The following SLC38A9 variants were observed in gnomAD, a reference collection of about 807,000 sequenced individuals.
SLC38A9 encodes the protein neutral amino acid transporter 9.
In SLC38A9, 48 loss-of-function variants were observed where a neutral mutation model predicts 62.3. The ratio of observed to expected loss-of-function variants is 0.77; its 90% CI spans 0.61 to 0.98. SLC38A9 has a LOEUF of 0.98. Ranked by LOEUF, SLC38A9 falls within the 50% of genes least tolerant of loss-of-function variation. The pLI, the probability that SLC38A9 is intolerant of heterozygous loss-of-function variation, is 0.00. For synonymous variants in SLC38A9, 204 were observed against 227.7 expected (o/e 0.90, Z 0.94); for missense variants, 541 against 679.8 (o/e 0.80, Z 2.27).
intron 4 of SLC38A9, among the ~76,000 whole-genome samples, chr5:55,671,030 C>T (rs1751226546): frequency 6.6e-6 from 1 of 152,180 alleles, no homozygotes; most frequent in African/African-American, 2.4e-5. Flanking sequence ...TGCCCAATCA[C>T]TGGTCCTTAT....
chr5:55,656,030 A>G (rs1407125217), intron 9 of SLC38A9, among the ~76,000 whole-genome samples: 1 of 152,150 alleles, frequency 6.6e-6, no homozygotes, highest in Non-Finnish European at 1.5e-5. Context: ...ATAGATCTCT[A>G]AAACTAAGTT....
intron 14 of SLC38A9, among the ~76,000 whole-genome samples, chr5:55,632,573 G>T (rs28521215): frequency 0.049 from 7,445 of 152,260 alleles, 313 homozygotes; most frequent in African/African-American, 0.11. Context: ...CTGACCTTCT[G>T]AATCTCAGTC....
At chr5:55,631,543 C>T (rs748933160) in intron 14 of SLC38A9, among the ~76,000 whole-genome samples, 12 of 152,116 alleles carry the variant, frequency 7.9e-5, no homozygotes, top group Non-Finnish European at 1.6e-4. Flanking sequence ...AGTAGAAACA[C>T]AATCAGAGGC....
chr5:55,669,839 T>TA lies in SLC38A9; in HGVS notation c.286dup (p.Tyr96LeufsTer4). The TA allele has an allele frequency of 6.2e-7, 1 of 1,612,914 alleles. No homozygotes were observed. Among genetic ancestry groups the TA allele is most frequent in the South Asian group, 1.1e-5 (1 of 90,880 alleles). On this transcript the variant is annotated frameshift_variant, in exon 5 of 16. Coordinates refer to ENST00000396865, the MANE Select transcript of SLC38A9 (RefSeq NM_173514.4). LOFTEE classifies it high-confidence loss of function. The stretch of plus-strand genomic sequence containing the variant: ...AGCAGAGCCCAATGGACTATACACA[T>TA]AGCACTCTTCTGGAGCTGGAACTAC...
intron 4 of SLC38A9, among the ~76,000 whole-genome samples, chr5:55,670,470 T>C (rs1005078028): frequency 3.3e-5 from 5 of 152,192 alleles, no homozygotes; most frequent in Admixed American, 6.5e-5. Context: ...TTTTCAAATA[T>C]AGAAAATCTA....
In SLC38A9 at chr5:55,669,831, TATAC is replaced by T; in HGVS notation, c.291_294del (p.Tyr98ValfsTer22). 1 of 1,613,112 alleles carries T rather than the reference TATAC, an allele frequency of 6.2e-7. No individual in the cohort carries two copies. The highest frequency in any genetic ancestry group is 8.5e-7 in the Non-Finnish European group (1 of 1,179,422). ...AGTTTATAAGCAGAGCCCAATGGACTATACACATAGCACTCTTCTGGAGCTGGAA... is the reference window on the plus strand; with the variant it reads ...AGTTTATAAGCAGAGCCCAATGGACTACATAGCACTCTTCTGGAGCTGGAA... On this transcript the variant is annotated frameshift_variant, in exon 5 of 16. Coordinates refer to ENST00000396865, the MANE Select transcript of SLC38A9 (RefSeq NM_173514.4). LOFTEE classifies it high-confidence loss of function.
At chr5:55,678,680 A>G (rs1752584879) in intron 3 of SLC38A9, among the ~76,000 whole-genome samples, 1 of 105,984 alleles carries the variant, frequency 9.4e-6, no homozygotes, top group Non-Finnish European at 1.8e-5. Context: ...TTTTTGAGAC[A>G]GGGTCTTGCT....
intron 3 of SLC38A9, chr5:55,672,969 TA>T (rs1410850425): frequency 2.9e-6 from 1 of 340,368 alleles, no homozygotes; most frequent in Admixed American, 4.4e-5. Flanking sequence ...AGAAAGAACT[TA>T]AAACAGTTAT....
chr5:55,700,128 G>A (rs1756445725), intron 2 of SLC38A9, among the ~76,000 whole-genome samples: 1 of 152,036 alleles, frequency 6.6e-6, no homozygotes, highest in Non-Finnish European at 1.5e-5. Context: ...ATCACTTGAG[G>A]TCAGGAATTC....
chr5:55,679,601 G>GT (rs35661048), intron 3 of SLC38A9, among the ~76,000 whole-genome samples: 90,083 of 149,590 alleles, frequency 0.6, 27,371 homozygotes, highest in South Asian at 0.7. Context: ...TTAGTTTTTT[G>GT]TTTTTTTTTT....
At chr5:55,697,102 C>T (rs1006692831) in intron 3 of SLC38A9, 4 of 149,014 alleles carry the variant, frequency 2.7e-5, no homozygotes, top group African/African-American at 1.0e-4. Flanking sequence ...AGAGGGGCTC[C>T]TCACATCCCA....
At chr5:55,636,675 G>C (rs1326094706) in intron 12 of SLC38A9, among the ~76,000 whole-genome samples, 1 of 152,218 alleles carries the variant, frequency 6.6e-6, no homozygotes, top group Non-Finnish European at 1.5e-5. Flanking sequence ...TAACGTAGTA[G>C]AGTTTTATAA....
At chr5:55,695,194 A>G (rs1484282958) in intron 3 of SLC38A9, among the ~76,000 whole-genome samples, 2 of 151,868 alleles carry the variant, frequency 1.3e-5, no homozygotes, top group African/African-American at 4.8e-5. Context: ...ATTTTATGAA[A>G]TCCTCTAAAT....
At chr5:55,691,156 T>C (rs777719815) in intron 3 of SLC38A9, 85 of 755,990 alleles carry the variant, frequency 1.1e-4, no homozygotes, top group Non-Finnish European at 1.5e-4. Context: ...GTTAGAAAAA[T>C]CTTGAAACTT....
chr5:55,688,875 C>T (rs2408203), intron 3 of SLC38A9, among the ~76,000 whole-genome samples: 91,188 of 151,982 alleles, frequency 0.6, 27,935 homozygotes, highest in South Asian at 0.7. Context: ...CATAGCTACA[C>T]TCAAAGACAT....
rs1744260346 is a variant in SLC38A9, at chr5:55,635,635, T to C, written c.1190A>G (p.Tyr397Cys). ...GAGATAAGTTAATGTCACCAGCATATAAGCAATGCACAAGTCCCTCACCTG... is the reference window on the plus strand; with the variant it reads ...GAGATAAGTTAATGTCACCAGCATACAAGCAATGCACAAGTCCCTCACCTG... Reference protein sequence around the residue: ...ENNVRDLCIAYMLVTLTYLYI... With the variant: ...ENNVRDLCIACMLVTLTYLYI... The change falls in exon 13 of 16, where the codon TAT (tyrosine) becomes TGT (cysteine). Residue 397 changes from tyrosine to cysteine, a missense_variant. Coordinates refer to ENST00000396865, the MANE Select transcript of SLC38A9 (RefSeq NM_173514.4). 1 of 1,613,628 alleles carries C rather than the reference T, an allele frequency of 6.2e-7. No homozygotes were observed. The highest frequency in any genetic ancestry group is 8.5e-7 in the Non-Finnish European group (1 of 1,179,670).
At chr5:55,669,445 A>G in intron 6 of SLC38A9, 112 bp downstream of exon 6, 1 of 1,284,634 alleles carries the variant, frequency 7.8e-7, no homozygotes. Flanking sequence ...AAATATAACC[A>G]TCTATTTTCT....
chr5:55,652,828 A>C, intron 9 of SLC38A9, 105 bp from the exon 10 acceptor site: 1 of 842,120 alleles, frequency 1.2e-6, no homozygotes, highest in South Asian at 2.6e-5. Context: ...TGCTCTACCA[A>C]CCTCAACTCT....
At chr5:55,663,295 A>AC (rs1749923241) in intron 8 of SLC38A9, among the ~76,000 whole-genome samples, 1 of 58,370 alleles carries the variant, frequency 1.7e-5, no homozygotes, top group Non-Finnish European at 3.8e-5. Context: ...CTCTGTCTCT[A>AC]CAAAAAAAAA....
Sources: gnomAD v4.1 joint callset for allele counts (sites outside exome capture counted in the v4.1 genomes callset) on GRCh38, gnomAD v4.1.1 for gene constraint, MANE v1.5 for transcripts, NCBI Gene and HGNC (gene_info 2026-07-23, HGNC 2026-07-21) for gene names.